The following HECW1 variants were observed in gnomAD, a reference collection of about 807,000 sequenced individuals.
HECW1 encodes the protein E3 ubiquitin-protein ligase HECW1.
A neutral mutation model predicts 182.3 loss-of-function variants in HECW1; 61 were observed. That is an observed-to-expected ratio of 0.33 (90% CI 0.27 to 0.41). The LOEUF (loss-of-function observed/expected upper bound fraction) is 0.41, where lower values mean the gene tolerates loss of function less well. Ranked by LOEUF, HECW1 falls within the 10% of genes least tolerant of loss-of-function variation. The pLI is 1.00. For synonymous variants in HECW1, 859 were observed against 832.6 expected (o/e 1.03, Z -0.55); for missense variants, 1,739 against 2,108.9 (o/e 0.82, Z 3.44).
At position 43,424,263 on chromosome 7, in the gene HECW1, C is replaced by T. The variant is rs563444748; in HGVS notation, c.802-13740C>T. Among the ~76,000 whole-genome samples, 6 of 152,224 alleles carry T rather than the reference C, an allele frequency of 3.9e-5. No homozygotes were observed. In the East Asian group the frequency reaches 5.8e-4, roughly 15 times the overall value. On this transcript the variant is annotated intron_variant, in intron 8 of 29. Transcript: ENST00000395891. ...TCTCAAGTCCTGACAGGCTTTGCTCCGTGTAGCTTTCTCAGCATTTTTCAG... is the reference window on the plus strand; with the variant it reads ...TCTCAAGTCCTGACAGGCTTTGCTCTGTGTAGCTTTCTCAGCATTTTTCAG...
chr7:43,540,201 G>A (rs987119520), intron 24 of HECW1, among the ~76,000 whole-genome samples: 1 of 152,178 alleles, frequency 6.6e-6, no homozygotes, highest in African/African-American at 2.4e-5. Flanking sequence ...TCTAAAAAGA[G>A]CCACATAAAA....
intron 24 of HECW1, among the ~76,000 whole-genome samples, chr7:43,527,845 G>A (rs2080819376): frequency 6.6e-6 from 1 of 152,216 alleles, no homozygotes; most frequent in Non-Finnish European, 1.5e-5. Flanking sequence ...GAAATTGGTA[G>A]TATTCTCCCA....
At chr7:43,457,406 T>A (rs1429810380) in intron 13 of HECW1, among the ~76,000 whole-genome samples, 1 of 152,236 alleles carries the variant, frequency 6.6e-6, no homozygotes, top group Non-Finnish European at 1.5e-5. Flanking sequence ...ACACACCTAC[T>A]GATAGCAAAT....
At chr7:43,248,702 C>CTCCTCCTCT (rs1799700771) in intron 3 of HECW1, 1 of 82,672 alleles carries the variant, frequency 1.2e-5, no homozygotes. Context: ...CCTTTTCCTC[C>CTCCTCCTCT]TCCTCCTCCT....
chr7:43,304,252 C>T (rs1807242701), intron 3 of HECW1, among the ~76,000 whole-genome samples: 1 of 152,064 alleles, frequency 6.6e-6, no homozygotes, highest in African/African-American at 2.4e-5. Context: ...CCTGTACTGC[C>T]TCAGGGATTC....
At chr7:43,557,201 A>C (rs1459945580) in intron 29 of HECW1, among the ~76,000 whole-genome samples, 1 of 152,236 alleles carries the variant, frequency 6.6e-6, no homozygotes, top group Non-Finnish European at 1.5e-5. Flanking sequence ...CTGAGCAGGC[A>C]GGAAGCAAAG....
chr7:43,559,865 G>A (rs2082153064), intron 29 of HECW1, among the ~76,000 whole-genome samples: 1 of 152,164 alleles, frequency 6.6e-6, no homozygotes, highest in African/African-American at 2.4e-5. Flanking sequence ...AGTTCACCAA[G>A]GCTCTAAATA....
chr7:43,462,875 G>A (rs1246351227), intron 13 of HECW1, among the ~76,000 whole-genome samples: 1 of 152,240 alleles, frequency 6.6e-6, no homozygotes, highest in African/African-American at 2.4e-5. Context: ...AACCTTGGGA[G>A]TCTCCTCATC....
At chr7:43,526,356 C>T (rs116681028) in intron 24 of HECW1, among the ~76,000 whole-genome samples, 223 of 152,258 alleles carry the variant, frequency 1.5e-3, no homozygotes, top group African/African-American at 4.9e-3. Flanking sequence ...AGCATGAGGG[C>T]CTTGTCTATT....
At chr7:43,177,306 T>C (rs1262749946) in intron 2 of HECW1, among the ~76,000 whole-genome samples, 2 of 152,124 alleles carry the variant, frequency 1.3e-5, no homozygotes, top group Non-Finnish European at 2.9e-5. Flanking sequence ...TGATCATTGG[T>C]GGTGGGGCCT....
At chr7:43,347,050 G>A (rs115854594) in intron 5 of HECW1, among the ~76,000 whole-genome samples, 1,693 of 152,200 alleles carry the variant, frequency 0.011, 33 homozygotes, top group African/African-American at 0.039. Flanking sequence ...TATTCTGAAG[G>A]GGATTGCATT....
At chr7:43,372,006 G>C (rs369078676) in intron 6 of HECW1, among the ~76,000 whole-genome samples, 5 of 152,190 alleles carry the variant, frequency 3.3e-5, no homozygotes, top group South Asian at 2.1e-4. Flanking sequence ...ATTTTTAGTA[G>C]AGATGGGATT....
At chr7:43,323,133 T>G (rs1810342164) in intron 5 of HECW1, among the ~76,000 whole-genome samples, 1 of 152,172 alleles carries the variant, frequency 6.6e-6, no homozygotes, top group Admixed American at 6.5e-5. Context: ...CACCAAAAAA[T>G]GGGGAATTTG....
intron 5 of HECW1, among the ~76,000 whole-genome samples, chr7:43,345,615 T>C (rs1383716937): frequency 6.6e-6 from 1 of 151,988 alleles, no homozygotes; most frequent in Admixed American, 6.6e-5. Context: ...CAAAGTCCAT[T>C]GTATCATTCT....
intron 5 of HECW1, among the ~76,000 whole-genome samples, chr7:43,336,148 C>T (rs935313880): frequency 9.9e-4 from 48 of 48,664 alleles, no homozygotes; most frequent in Middle Eastern, 0.01. Flanking sequence ...CTCTCTTTCT[C>T]TCTCTCTCTC....
At position 43,565,522 on chromosome 7, in the gene HECW1, G is replaced by C. The variant is rs2082306655; in HGVS notation, c.*3596G>C. The C allele has an allele frequency of 5.5e-6, 1 of 181,036 alleles. No individual in the cohort carries two copies. The highest frequency in any genetic ancestry group is 2.0e-4 in the South Asian group (1 of 5,070). 11.2% of individuals were successfully genotyped at this position (181,036 alleles called of 1,614,324 possible). ...CAGTCAAGATGAAACACTTTCAAAT[G>C]AAAGTAGTTAGAACTTTACATAACA... On this transcript the variant is annotated 3_prime_UTR_variant, in exon 30 of 30. Transcript: ENST00000395891.
At chr7:43,442,492 A>G in intron 9 of HECW1, 37 bp from the exon 10 acceptor site, 1 of 1,437,248 alleles carries the variant, frequency 7.0e-7, no homozygotes, top group African/African-American at 1.4e-5. Context: ...GAAGAGAGGT[A>G]TTGACCAGAA....
At chr7:43,509,261 A>G (rs2079743792) in intron 24 of HECW1, 140 bp downstream of exon 24, 8 of 720,488 alleles carry the variant, frequency 1.1e-5, no homozygotes. Context: ...GACAGAGTCC[A>G]AGAAGGAAGA....
intron 2 of HECW1, among the ~76,000 whole-genome samples, chr7:43,115,801 A>C (rs1784995910): frequency 1.3e-5 from 2 of 152,200 alleles, no homozygotes; most frequent in South Asian, 4.1e-4. Context: ...ATAATTAACC[A>C]CTTCTTCTCC....
Sources: allele counts gnomAD v4.1 joint callset (sites outside exome capture counted in the v4.1 genomes callset), GRCh38; gene constraint gnomAD v4.1.1; transcripts MANE v1.5; gene names NCBI Gene and HGNC (gene_info 2026-07-23, HGNC 2026-07-21).